Variants in IGF2R observed in about 807,000 individuals in gnomAD.
IGF2R encodes the protein cation-independent mannose-6-phosphate receptor.
In IGF2R, 91 loss-of-function variants were observed where a neutral mutation model predicts 270.6. The observed-to-expected ratio is 0.34, with a 90% CI of 0.28 to 0.40. IGF2R has a LOEUF of 0.40. Among genes scored for constraint, IGF2R ranks in the 10% least tolerant of loss-of-function variants. IGF2R has a pLI of 1.00. For synonymous variants in IGF2R, 1,316 were observed against 1,258.9 expected (o/e 1.05, Z -0.96); for missense variants, 2,805 against 3,188.3 (o/e 0.88, Z 2.90).
At chr6:160,065,848 A>ATATT (rs1778572641) in intron 29 of IGF2R, among the ~76,000 whole-genome samples, 3 of 123,128 alleles carry the variant, frequency 2.4e-5, no homozygotes, top group Admixed American at 1.7e-4. Context: ...ATATATATGT[A>ATATT]TTTTTTTTGA....
chr6:160,070,545 C>T (rs372169244), intron 31 of IGF2R, among the ~76,000 whole-genome samples: 4 of 152,270 alleles, frequency 2.6e-5, no homozygotes, highest in East Asian at 1.9e-4. Flanking sequence ...GTAGGAAGTG[C>T]CAGGTGTCAT....
chr6:160,087,554 C>G (rs1300360888), intron 41 of IGF2R, among the ~76,000 whole-genome samples: 2 of 152,174 alleles, frequency 1.3e-5, no homozygotes, highest in African/African-American at 4.8e-5. Context: ...AGGTGACCAC[C>G]CCTGAGTGTG....
At chr6:160,081,374 A>G (rs1006081560) in intron 39 of IGF2R, among the ~76,000 whole-genome samples, 1 of 152,066 alleles carries the variant, frequency 6.6e-6, no homozygotes, top group South Asian at 2.1e-4. Flanking sequence ...TTCAAAGGGG[A>G]GGGAGTGTAC....
intron 44 of IGF2R, chr6:160,094,468 T>C (rs1157097472): frequency 1.3e-5 from 2 of 159,342 alleles, no homozygotes; most frequent in Non-Finnish European, 2.8e-5. Flanking sequence ...CACGTAGTCA[T>C]GCAGTCTTTC....
Position 160,009,066 on chromosome 6 carries a change from A to C in IGF2R, c.346A>C (p.Ser116Arg). ...TCTCCTGGAATTCAACACAACAGTG[A>C]GCTGTGACCAGCAAGGCACAAATCA... is the stretch of plus-strand genomic sequence containing the variant. Reference protein sequence around the residue: ...RSLLEFNTTVSCDQQGTNHRV... With the variant: ...RSLLEFNTTVRCDQQGTNHRV... The change falls in exon 3 of 48, where the codon AGC becomes CGC. Residue 116 changes from serine (S) to arginine (R), a missense_variant. Around this residue, in one of 2 missense-constraint regions of IGF2R, gnomAD observed 954 missense variants for 981.1 expected, o/e 0.97. Transcript: ENST00000356956. 6.2e-7 allele frequency: 1 copy of C among 1,613,890 alleles called. No individual in the cohort carries two copies. The highest frequency in any genetic ancestry group is 8.5e-7 in the Non-Finnish European group (1 of 1,179,800).
At position 160,105,095 on chromosome 6, in the gene IGF2R, C is replaced by A; in HGVS notation, c.*11C>A. On this transcript the variant is annotated 3_prime_UTR_variant, in exon 48 of 48. Coordinates refer to ENST00000356956, the MANE Select transcript of IGF2R (RefSeq NM_000876.4). ...CTCTTACACATCTGACTCCGCAGTG[C>A]CTGCAGGGGAGCACGGAGCCGCGGG... The A allele has an allele frequency of 6.5e-7, 1 of 1,536,716 alleles. No individual in the cohort carries two copies. The highest frequency in any genetic ancestry group is 2.1e-5 in the Admixed American group (1 of 48,200).
In IGF2R at chr6:160,062,599, G is replaced by A; in HGVS notation, c.3650G>A (p.Cys1217Tyr). ...YVFIWRTVEA[C>Y]PVVRVEGDNC... is the part of the protein sequence containing the mutation. ...TTTATCTGGAGAACTGTGGAAGCCTGTCCCGTTGTCAGAGTGGAAGGTAGG... is the reference window on the plus strand; with the variant it reads ...TTTATCTGGAGAACTGTGGAAGCCTATCCCGTTGTCAGAGTGGAAGGTAGG... The change falls in exon 26 of 48, where the codon TGT becomes TAT. Residue 1217 changes from cysteine to tyrosine, a missense_variant. Transcript: ENST00000356956. 1 of 1,613,686 alleles carries A rather than the reference G, an allele frequency of 6.2e-7. No individual in the cohort carries two copies. Among genetic ancestry groups the A allele is most frequent in the Non-Finnish European group, 8.5e-7 (1 of 1,179,648 alleles).
At chr6:160,104,470 T>A (rs1299697480) in intron 47 of IGF2R, among the ~76,000 whole-genome samples, 1 of 151,976 alleles carries the variant, frequency 6.6e-6, no homozygotes, top group Non-Finnish European at 1.5e-5. Context: ...CCTCCTGCCT[T>A]GGTGCAGTCT....
At chr6:160,006,608 A>G (rs1401164134) in intron 2 of IGF2R, 1 of 152,296 alleles carries the variant, frequency 6.6e-6, no homozygotes, top group Non-Finnish European at 1.5e-5. Context: ...GCTTGCAGGC[A>G]GAAGAACCAC....
chr6:160,082,244 G>A (rs187935283), intron 39 of IGF2R, among the ~76,000 whole-genome samples: 2 of 152,134 alleles, frequency 1.3e-5, no homozygotes, highest in East Asian at 1.9e-4. Context: ...TTGACAAAAC[G>A]TTATTCCCTA....
At position 160,062,424 on chromosome 6, in the gene IGF2R, G is replaced by A. The variant is rs577124897; in HGVS notation, c.3583-108G>A. The A allele has an allele frequency of 1.0e-4, 79 of 783,924 alleles. 1 individual carries two copies. The highest frequency in any genetic ancestry group is 1.6e-4 in the Non-Finnish European group (73 of 452,574). 48.6% of individuals were successfully genotyped at this position (783,924 alleles called of 1,614,324 possible). On this transcript the variant is annotated intron_variant, in intron 25 of 47. Transcript: ENST00000356956. ...CCTGAACTTGTGATCCACCCGTCTC[G>A]GCCTCCCAAAGTGCTGAGATTACAG...
At chr6:160,100,484 G>A (rs1475093433) in intron 45 of IGF2R, among the ~76,000 whole-genome samples, 1 of 152,098 alleles carries the variant, frequency 6.6e-6, no homozygotes, top group Non-Finnish European at 1.5e-5. Context: ...GCCTTGATAT[G>A]TAAAGCAGAA....
chr6:160,063,227 C>T (rs1019837098), intron 26 of IGF2R, among the ~76,000 whole-genome samples, 188 bp from the exon 27 acceptor site: 4 of 151,984 alleles, frequency 2.6e-5, no homozygotes, highest in Admixed American at 1.3e-4. Flanking sequence ...TTAGTAGAGA[C>T]GGGGTTTCAC....
chr6:160,052,046 C>CA (rs747325995), intron 19 of IGF2R, among the ~76,000 whole-genome samples: 18 of 149,474 alleles, frequency 1.2e-4, no homozygotes, highest in Non-Finnish European at 2.7e-4. Context: ...CCCATCTCTA[C>CA]AAAAAATTAG....
intron 17 of IGF2R, 117 bp downstream of exon 17, chr6:160,048,024 A>G (rs1778108141): frequency 1.3e-6 from 1 of 757,150 alleles, no homozygotes; most frequent in Non-Finnish European, 2.3e-6. Context: ...GTGGGGCTGC[A>G]GGACCAAGGT....
chr6:160,077,382 A>T (rs1450851409), intron 36 of IGF2R, among the ~76,000 whole-genome samples: 1 of 152,136 alleles, frequency 6.6e-6, no homozygotes, highest in Non-Finnish European at 1.5e-5. Flanking sequence ...CACTTCTAAG[A>T]CCCACCTCAT....
chr6:160,070,633 C>T (rs972091327), intron 31 of IGF2R, among the ~76,000 whole-genome samples: 16 of 152,200 alleles, frequency 1.1e-4, no homozygotes, highest in Non-Finnish European at 1.9e-4. Context: ...TTGGCATGCA[C>T]GTAAGCAGGT....
chr6:160,011,139 C>T (rs528146305), intron 4 of IGF2R, among the ~76,000 whole-genome samples: 1 of 152,292 alleles, frequency 6.6e-6, no homozygotes, highest in African/African-American at 2.4e-5. Context: ...CCATCTGTTT[C>T]TGACGCTGCC....
intron 2 of IGF2R, chr6:160,007,491 A>G (rs1467963511): frequency 6.6e-6 from 1 of 152,148 alleles, no homozygotes; most frequent in African/African-American, 2.4e-5. Flanking sequence ...TAACATATTT[A>G]TTGATGTACA....
Sources: allele counts gnomAD v4.1 joint callset (sites outside exome capture counted in the v4.1 genomes callset), GRCh38; gene constraint gnomAD v4.1.1; regional missense constraint gnomAD v4.1.1; transcripts MANE v1.5; gene names NCBI Gene and HGNC (gene_info 2026-07-23, HGNC 2026-07-21).